GABRG3: variants seen among roughly 807,000 people sequenced by gnomAD.
GABRG3 encodes gamma-aminobutyric acid type A receptor subunit gamma3.
GABRG3 carries 25 observed loss-of-function variants against 48.8 expected under a neutral mutation model. The ratio of observed to expected loss-of-function variants is 0.51; its 90% confidence interval spans 0.37 to 0.72. The LOEUF (loss-of-function observed/expected upper bound fraction) is 0.72, where lower values mean the gene tolerates loss of function less well. GABRG3 is among the 30% of genes least tolerant of loss of function. The probability of loss-of-function intolerance (pLI) is 0.00; values close to 1 mark genes in which losing one functional copy is unlikely to be tolerated. For missense variants in GABRG3, 394 were observed against 577.9 expected (o/e 0.68, Z 3.26); for synonymous variants, 227 against 217.6 (o/e 1.04, Z -0.38).
chr15:27,169,476 G>C (rs1178041232), intron 3 of GABRG3, among the ~76,000 whole-genome samples: 2 of 152,188 alleles, frequency 1.3e-5, no homozygotes, highest in African/African-American at 4.8e-5. Flanking sequence ...GTAGGTTAGG[G>C]ATAGATCATT....
At chr15:27,168,402 T>G (rs920486194) in intron 3 of GABRG3, among the ~76,000 whole-genome samples, 4 of 152,190 alleles carry the variant, frequency 2.6e-5, no homozygotes, top group African/African-American at 7.2e-5. Context: ...CAAGTTCCCC[T>G]GTGAAGGGCA....
At chr15:27,408,752 T>C (rs1887711669) in intron 5 of GABRG3, among the ~76,000 whole-genome samples, 1 of 152,158 alleles carries the variant, frequency 6.6e-6, no homozygotes, top group African/African-American at 2.4e-5. Context: ...CAGATGTCAC[T>C]AAGTCTGTTT....
chr15:27,500,950 A>AT (rs1468649460), intron 6 of GABRG3, among the ~76,000 whole-genome samples: 23 of 108,324 alleles, frequency 2.1e-4, no homozygotes, highest in East Asian at 4.7e-4. Flanking sequence ...GAAGTAACGT[A>AT]TGTTTTTTTT....
At chr15:27,381,538 C>T (rs950307927) in intron 5 of GABRG3, among the ~76,000 whole-genome samples, 4 of 152,206 alleles carry the variant, frequency 2.6e-5, no homozygotes, top group South Asian at 2.1e-4. Context: ...GTGCTGGCTG[C>T]GGAAGAGATT....
At chr15:27,173,094 G>A (rs1887626408) in intron 3 of GABRG3, among the ~76,000 whole-genome samples, 1 of 152,128 alleles carries the variant, frequency 6.6e-6, no homozygotes, top group South Asian at 2.1e-4. Context: ...GGATTAGGAG[G>A]TCTACATCAC....
rs551679536 is a variant in GABRG3 at position 26,971,529 on chromosome 15, C to T, written c.-7C>T. 1 of 1,524,960 alleles carries T rather than the reference C, an allele frequency of 6.6e-7. No individual in the cohort carries two copies. The allele number at this position is 1,524,960 out of a possible 1,614,324, so 94.5% of individuals were successfully genotyped here. On this transcript the variant is annotated 5_prime_UTR_variant, in exon 1 of 10. The change creates a new upstream start codon in the 5' untranslated region. Coordinates refer to ENST00000615808, the MANE Select transcript of GABRG3 (RefSeq NM_033223.5). Reference sequence around the variant, plus strand: ...CCCGGACCCTGCGCCCCGAGCTCCACGGCACCATGGCCCCGAAGCTGCTGC... The same window carrying T: ...CCCGGACCCTGCGCCCCGAGCTCCATGGCACCATGGCCCCGAAGCTGCTGC...
intron 5 of GABRG3, among the ~76,000 whole-genome samples, chr15:27,445,883 C>A (rs1246334666): frequency 6.6e-6 from 1 of 152,020 alleles, no homozygotes; most frequent in Admixed American, 6.6e-5. Flanking sequence ...TGTGCCAGCA[C>A]CATTTGTTGA....
chr15:27,423,541 G>GTT (rs57806464), intron 5 of GABRG3, among the ~76,000 whole-genome samples: 4 of 136,412 alleles, frequency 2.9e-5, no homozygotes, highest in Non-Finnish European at 4.8e-5. Flanking sequence ...TTGTTTTTTG[G>GTT]TTTTTTTTTT....
intron 2 of GABRG3, among the ~76,000 whole-genome samples, chr15:27,024,666 CCTT>C (rs1032920576): frequency 6.6e-6 from 1 of 152,190 alleles, no homozygotes; most frequent in African/African-American, 2.4e-5. Context: ...TGGCCAATCT[CCTT>C]CTTGGATTCT....
At position 26,979,629 on chromosome 15, in the gene GABRG3, T is replaced by A. The variant is rs371563924; in HGVS notation, c.202+2479T>A. Among the ~76,000 whole-genome samples the A allele has an allele frequency of 1.8e-4, 28 of 152,346 alleles. No homozygotes were observed. In the East Asian group the frequency reaches 5.2e-3, roughly 28 times the overall value. ...CCTTTTACTGCATCAATTGGTATGA[T>A]TTTATGATTTTTTTCTTTAGTCTGT... is the stretch of plus-strand genomic sequence containing the variant. On this transcript the variant is annotated intron_variant, in intron 2 of 9. Coordinates refer to ENST00000615808, the MANE Select transcript of GABRG3 (RefSeq NM_033223.5).
chr15:26,980,400 G>A (rs6606906), intron 2 of GABRG3, among the ~76,000 whole-genome samples: 76,748 of 151,764 alleles, frequency 0.51, 19,958 homozygotes, highest in East Asian at 0.88. Context: ...TCTTTTGGCC[G>A]GGTGCGGTGG....
At chr15:27,365,524 T>C (rs1488414849) in intron 5 of GABRG3, 8 of 152,388 alleles carry the variant, frequency 5.2e-5, no homozygotes. Context: ...TGATGTTTCC[T>C]CCTGGTCAGA....
chr15:27,211,473 A>C (rs1221156584), intron 3 of GABRG3, among the ~76,000 whole-genome samples: 1 of 152,228 alleles, frequency 6.6e-6, no homozygotes, highest in East Asian at 1.9e-4. Flanking sequence ...TCTAAATCAG[A>C]TACAGTTTTT....
Position 27,206,447 on chromosome 15 carries a change from T to C in GABRG3, c.271-120362T>C, listed in dbSNP as rs903429329. Among the ~76,000 whole-genome samples, 18 of 152,312 alleles carry C rather than the reference T, an allele frequency of 1.2e-4. 1 individual carries two copies. Among genetic ancestry groups the C allele is most frequent in the African/African-American group, 4.1e-4 (17 of 41,582 alleles). ...TGGTATGATTTCGTTTTTTGGAATTTGTTGAGAATTGCTTTATGGGCTTAG... is the reference window on the plus strand; with the variant it reads ...TGGTATGATTTCGTTTTTTGGAATTCGTTGAGAATTGCTTTATGGGCTTAG... On this transcript the variant is annotated intron_variant, in intron 3 of 9. Coordinates refer to ENST00000615808, the MANE Select transcript of GABRG3 (RefSeq NM_033223.5).
At chr15:27,414,353 A>T (rs1887882455) in intron 5 of GABRG3, among the ~76,000 whole-genome samples, 1 of 150,814 alleles carries the variant, frequency 6.6e-6, no homozygotes, top group Non-Finnish European at 1.5e-5. Context: ...TGGGCAGCCT[A>T]CTCTTTATTC....
At chr15:27,034,285 T>C (rs1896138144) in intron 3 of GABRG3, among the ~76,000 whole-genome samples, 2 of 152,220 alleles carry the variant, frequency 1.3e-5, no homozygotes, top group Non-Finnish European at 2.9e-5. Context: ...AGGCCACGCA[T>C]GTAACTCAGG....
chr15:27,520,811 A>G (rs1023143552), intron 7 of GABRG3, among the ~76,000 whole-genome samples: 2 of 151,296 alleles, frequency 1.3e-5, no homozygotes, highest in African/African-American at 2.4e-5. Flanking sequence ...AAAAAATCCT[A>G]TAGAAAAGAG....
At chr15:27,461,329 C>A (rs1461847591) in intron 5 of GABRG3, among the ~76,000 whole-genome samples, 2 of 152,142 alleles carry the variant, frequency 1.3e-5, no homozygotes, top group Non-Finnish European at 2.9e-5. Flanking sequence ...TTTCACAAAT[C>A]AAAGTTTACA....
chr15:27,199,959 C>G (rs1434449926), intron 3 of GABRG3, among the ~76,000 whole-genome samples: 1 of 151,142 alleles, frequency 6.6e-6, no homozygotes, highest in Non-Finnish European at 1.5e-5. Flanking sequence ...TTCCTGTCAT[C>G]ATTCTCTCTT....
Sources: allele counts gnomAD v4.1 joint callset (sites outside exome capture counted in the v4.1 genomes callset), GRCh38; gene constraint gnomAD v4.1.1; transcripts MANE v1.5; gene names NCBI Gene and HGNC (gene_info 2026-07-23, HGNC 2026-07-21).